The following EHMT2 variants were observed in gnomAD, a reference collection of about 807,000 sequenced individuals.
The protein encoded by EHMT2 is histone-lysine N-methyltransferase EHMT2.
Under a neutral mutation model 143.3 loss-of-function variants are expected in EHMT2, and 59 were observed. The ratio of observed to expected loss-of-function variants is 0.41; its 90% CI spans 0.33 to 0.51. The LOEUF is 0.51. Among genes scored for constraint, EHMT2 ranks in the 20% least tolerant of loss-of-function variants. The pLI is 0.18. For synonymous variants in EHMT2, 604 were observed against 651.5 expected, an observed-to-expected ratio of 0.93 and a Z score of 1.11; for missense variants, 1,174 against 1,645.9, an observed-to-expected ratio of 0.71 and a Z score of 4.96.
intron 4 of EHMT2, chr6:31,893,549 ACTC>A: frequency 3.8e-6 from 1 of 261,328 alleles, no homozygotes; most frequent in South Asian, 3.4e-5. Context: ...CTGGTCTTGA[ACTC>A]CTGGTGTCAA....
chr6:31,886,492 A>G, intron 18 of EHMT2, 89 bp downstream of exon 18: 1 of 1,116,860 alleles, frequency 9.0e-7, no homozygotes, highest in Non-Finnish European at 1.3e-6. Flanking sequence ...GTGAGGTCAG[A>G]TGTAGGAAAG....
At chr6:31,879,866 C>A (rs1581869037) in exon 28 of EHMT2, 2 of 565,086 alleles carry the variant, frequency 3.5e-6, no homozygotes, top group East Asian at 5.6e-5. Flanking sequence ...CGGGGGGTGG[C>A]CAGCCCTGAA....
chr6:31,887,727 C>G (rs541397184), intron 14 of EHMT2, 52 bp downstream of exon 14: 1 of 1,606,534 alleles, frequency 6.2e-7, no homozygotes, highest in South Asian at 1.1e-5. Flanking sequence ...GCCTCGACAC[C>G]ACTCCTCTGG....
rs1303904882 is a variant in EHMT2 at position 31,897,312 on chromosome 6, G to T, written c.43-323C>A. ...TCCCCCTTTGTCCCCCAGGCCGCGG[G>T]GACCCCGGGCACCAACCCCTCCAGC... On this transcript the variant is annotated intron_variant, in intron 1 of 27. Coordinates refer to ENST00000375537, the Ensembl canonical transcript of EHMT2. The T allele has an allele frequency of 6.6e-6, 4 of 605,306 alleles. No individual in the cohort carries two copies. The Admixed American group carries it at 1.8e-4, about 27-fold the overall frequency. 37.5% of individuals were successfully genotyped at this position (605,306 alleles called of 1,614,324 possible).
At chr6:31,885,043 G>A in intron 18 of EHMT2, 27 bp from the exon 19 acceptor site, 1 of 1,586,780 alleles carries the variant, frequency 6.3e-7, no homozygotes, top group Non-Finnish European at 8.6e-7. Context: ...AGTGAGGGTG[G>A]GGGCAGCTGG....
rs200446648 is a variant in EHMT2 at position 31,888,605 on chromosome 6, G to A, written c.1359C>T (p.Asp453=). The A allele has an allele frequency of 2.9e-4, 471 of 1,612,678 alleles. 14 individuals carry two copies. In the Admixed American group the frequency reaches 7.2e-3, roughly 25 times the overall value. Residue 453 remains aspartate (D), a synonymous_variant, in exon 11 of 28, where the codon GAC becomes GAT. Transcript: ENST00000375537. The surrounding 1 kb of genome is among the most constrained non-coding windows in gnomAD (Gnocchi z 7.4). ...CACCAGCCCACGGCCCCACCTCTCC[G>A]TCCACACTCTCAGTGGCCATGCACT...
At chr6:31,892,106 G>C (rs1388475150) in intron 7 of EHMT2, among the ~76,000 whole-genome samples, 1 of 152,192 alleles carries the variant, frequency 6.6e-6, no homozygotes, top group African/African-American at 2.4e-5. Flanking sequence ...GCCGGGCGTG[G>C]TGGCAGGTGC....
intron 7 of EHMT2, among the ~76,000 whole-genome samples, chr6:31,891,089 C>T (rs1581937246): frequency 1.3e-5 from 2 of 151,882 alleles, no homozygotes; most frequent in Non-Finnish European, 2.9e-5. Context: ...ATTACAGGCA[C>T]GTACCACTAC....
At chr6:31,879,859 G>A (rs41267086) in exon 28 of EHMT2, 29,016 of 556,384 alleles carry the variant, frequency 0.052, 1,027 homozygotes, top group East Asian at 0.11. Flanking sequence ...GGGAACACGG[G>A]GGGTGGCCAG....
rs752343123 is a variant in EHMT2, at chr6:31,889,272, C to A, written c.1070G>T (p.Arg357Leu). Residue 357 changes from arginine (R) to leucine (L), a missense_variant, in exon 9 of 28, where the codon CGG (arginine) becomes CTG (leucine). Transcript: ENST00000375537. The surrounding 1 kb of genome is among the most constrained non-coding windows in gnomAD (Gnocchi z 5.1). The stretch of plus-strand genomic sequence containing the variant: ...CGGAGGCTCCCGCTTGCGCCGTTTC[C>A]GAGACGGCTTCACCCATGGGCTGTC... 1.9e-6 allele frequency: 3 copies of A among 1,612,006 alleles called. No individual in the cohort carries two copies. The highest frequency in any genetic ancestry group is 2.7e-5 in the African/African-American group (2 of 74,910).
chr6:31,886,986 C>T lies in EHMT2; in HGVS notation c.2118+9G>A, dbSNP rs560862590. 1.2e-5 allele frequency: 20 copies of T among 1,613,962 alleles called. No individual in the cohort carries two copies. Among genetic ancestry groups the T allele is most frequent in the South Asian group, 4.4e-5 (4 of 91,076 alleles). On this transcript the variant is annotated intron_variant, in intron 16 of 27. Transcript: ENST00000375537. ...GGTGAATGAGGCATGGGGCCGGGCC[C>T]GTGCTGACCTGCAGCAGCACATGGC...
At chr6:31,892,933 C>T (rs776907914) in intron 4 of EHMT2, 23 bp from the exon 5 acceptor site, 2 of 1,526,480 alleles carry the variant, frequency 1.3e-6, no homozygotes, top group South Asian at 1.3e-5. Flanking sequence ...AGGGAGCACA[C>T]TGAGGGTCAG....
intron 4 of EHMT2, 154 bp from the exon 5 acceptor site, chr6:31,893,064 T>C: frequency 1.7e-6 from 1 of 587,502 alleles, no homozygotes; most frequent in Non-Finnish European, 3.0e-6. Context: ...ACGGGTGCTA[T>C]TTCCTCAGAG....
Position 31,889,194 on chromosome 6 carries a change from T to C in EHMT2, c.1114+34A>G. 1 of 1,578,112 alleles carries C rather than the reference T, an allele frequency of 6.3e-7. No homozygotes were observed. The highest frequency in any genetic ancestry group is 8.6e-7 in the Non-Finnish European group (1 of 1,161,994). On this transcript the variant is annotated intron_variant, in intron 9 of 27. Transcript: ENST00000375537. The surrounding 1 kb of genome is among the most constrained non-coding windows in gnomAD (Gnocchi z 5.1). ...ACACTCTGGGGGGCCGGGCGGGGGC[T>C]GGAGGGCACCCAAAAGCAGCAGAGC...
At chr6:31,896,353 C>T in exon 4 of EHMT2, 1 of 1,612,990 alleles carries the variant, frequency 6.2e-7, no homozygotes, top group Non-Finnish European at 8.5e-7. Context: ...GGGGTTCAGA[C>T]CCTGCTGCTG....
Position 31,880,540 on chromosome 6 carries a change from T to C in EHMT2, c.3452+133A>G. Reference sequence around the variant, plus strand: ...TTTCCCCAAGTCCTCCAGGAAATACTTATGTACACTGAAATCTGAGAAGCT... The same window carrying C: ...TTTCCCCAAGTCCTCCAGGAAATACCTATGTACACTGAAATCTGAGAAGCT... On this transcript the variant is annotated intron_variant, in intron 27 of 27. Coordinates refer to ENST00000375537, the Ensembl canonical transcript of EHMT2. This position sits in a 1 kb window ranked among gnomAD's most constrained non-coding sequence, Gnocchi z 6.6. 9.8e-7 allele frequency: 1 copy of C among 1,025,178 alleles called. No individual in the cohort carries two copies. 63.5% of individuals were successfully genotyped at this position (1,025,178 alleles called of 1,614,324 possible).
chr6:31,891,540 T>TG, intron 7 of EHMT2, among the ~76,000 whole-genome samples: 1 of 152,312 alleles, frequency 6.6e-6, no homozygotes. Flanking sequence ...TGGGTCAAGA[T>TG]GGACTGTGTA....
Position 31,889,248 on chromosome 6 carries a change from G to A in EHMT2, c.1094C>T (p.Pro365Leu), listed in dbSNP as rs1406555028. 8.7e-6 allele frequency: 14 copies of A among 1,610,038 alleles called. No homozygotes were observed. The highest frequency in any genetic ancestry group is 5.5e-5 in the South Asian group (5 of 90,852). ...CTCACCTCGTGGCTCCTTGGCCCGC[G>A]GAGGCTCCCGCTTGCGCCGTTTCCG... is the stretch of plus-strand genomic sequence containing the variant. The change falls in exon 9 of 28, where the codon CCG (proline) becomes CTG (leucine). Residue 365 changes from proline to leucine, a missense_variant. This residue lies in a region of EHMT2 where 608 missense variants were observed against 903.7 expected (regional missense o/e 0.67). Coordinates refer to ENST00000375537, the Ensembl canonical transcript of EHMT2. This position sits in a 1 kb window ranked among gnomAD's most constrained non-coding sequence, Gnocchi z 5.1.
rs748270715 is a variant in EHMT2, at chr6:31,881,085, C to T, written c.3205G>A (p.Gly1069Arg). The stretch of plus-strand genomic sequence containing the variant: ...GCCTCAGCATCAGAGATCAGCTCCC[C>T]GACATACCTGTGGGACAGGAATCCA... Residue 1069 changes from glycine to arginine, a missense_variant, in exon 26 of 28, where the codon GGG becomes AGG. Gly to Arg is a moderately radical substitution (Grantham distance 125). This residue lies in a region of EHMT2 where 3 missense variants were observed against 35.3 expected (regional missense o/e 0.09). Transcript: ENST00000375537. The surrounding 1 kb of genome is among the most constrained non-coding windows in gnomAD (Gnocchi z 4.8). 5.0e-6 allele frequency: 8 copies of T among 1,612,780 alleles called. No homozygotes were observed. Among genetic ancestry groups the T allele is most frequent in the South Asian group, 1.1e-5 (1 of 91,086 alleles).
Sources: gnomAD v4.1 joint callset for allele counts (sites outside exome capture counted in the v4.1 genomes callset) on GRCh38, gnomAD v4.1.1 for gene constraint, gnomAD v4.1.1 regional missense constraint, Gnocchi (gnomAD v3.1) non-coding constraint, MANE v1.5 for transcripts, NCBI Gene and HGNC (gene_info 2026-07-23, HGNC 2026-07-21) for gene names.